KAT6B: variants seen among roughly 807,000 people sequenced by gnomAD.
The protein encoded by KAT6B is histone acetyltransferase KAT6B.
KAT6B carries 10 observed loss-of-function variants against 187.5 expected under a neutral mutation model. The observed-to-expected ratio is 0.05, with a 90% CI of 0.03 to 0.09. KAT6B has a LOEUF of 0.09. KAT6B is among the 10% of genes least tolerant of loss of function. The probability of loss-of-function intolerance (pLI) is 1.00; values close to 1 mark genes in which losing one functional copy is unlikely to be tolerated. For synonymous variants in KAT6B, 861 were observed against 926.8 expected (o/e 0.93, Z 1.29); for missense variants, 1,952 against 2,558.9 (o/e 0.76, Z 5.12).
intron 3 of KAT6B, among the ~76,000 whole-genome samples, chr10:74,855,875 G>A (rs1290698227): frequency 6.6e-6 from 1 of 152,026 alleles, no homozygotes; most frequent in African/African-American, 2.4e-5. Flanking sequence ...TTATACATGG[G>A]TGTGCGTATA....
At chr10:75,027,745 A>G (rs977010532) in intron 17 of KAT6B, among the ~76,000 whole-genome samples, 1 of 152,184 alleles carries the variant, frequency 6.6e-6, no homozygotes, top group Admixed American at 6.5e-5. Context: ...TTAATATGCA[A>G]ACCTTACATC....
At chr10:74,851,004 G>GT (rs1448994576) in intron 3 of KAT6B, among the ~76,000 whole-genome samples, 1 of 151,722 alleles carries the variant, frequency 6.6e-6, no homozygotes, top group Non-Finnish European at 1.5e-5. Context: ...GGCTTCTGAT[G>GT]TTTTTTCTGT....
At chr10:74,938,249 C>A (rs1002935754) in intron 3 of KAT6B, among the ~76,000 whole-genome samples, 1 of 152,168 alleles carries the variant, frequency 6.6e-6, no homozygotes, top group South Asian at 2.1e-4. Context: ...ATCCTAGAAC[C>A]ACTGTATCAG....
At chr10:74,934,112 G>T (rs1849064579) in intron 3 of KAT6B, among the ~76,000 whole-genome samples, 2 of 150,334 alleles carry the variant, frequency 1.3e-5, no homozygotes, top group South Asian at 4.2e-4. Flanking sequence ...CTTGAACCTG[G>T]GAGGCGGAGG....
chr10:74,964,887 T>C (rs756709694), intron 4 of KAT6B, among the ~76,000 whole-genome samples: 1 of 152,206 alleles, frequency 6.6e-6, no homozygotes, highest in Non-Finnish European at 1.5e-5. Context: ...TAAATCATAA[T>C]ATGTATCTTG....
chr10:74,888,279 T>A (rs984654943), intron 3 of KAT6B, among the ~76,000 whole-genome samples: 1 of 152,190 alleles, frequency 6.6e-6, no homozygotes, highest in African/African-American at 2.4e-5. Flanking sequence ...TTGTAATGTC[T>A]GTATCACCAA....
chr10:74,906,692 A>G (rs1846784313), intron 3 of KAT6B, among the ~76,000 whole-genome samples: 1 of 152,234 alleles, frequency 6.6e-6, no homozygotes, highest in African/African-American at 2.4e-5. Flanking sequence ...TTAAGAGACC[A>G]GAGTGAGCAG....
intron 3 of KAT6B, among the ~76,000 whole-genome samples, chr10:74,888,418 T>A (rs1470805202): frequency 6.6e-6 from 1 of 152,026 alleles, no homozygotes; most frequent in Non-Finnish European, 1.5e-5. Flanking sequence ...AACACTAGAA[T>A]AAATGGGCAA....
At chr10:74,914,046 C>T (rs1203313513) in intron 3 of KAT6B, among the ~76,000 whole-genome samples, 2 of 151,820 alleles carry the variant, frequency 1.3e-5, no homozygotes, top group Non-Finnish European at 2.9e-5. Flanking sequence ...ATTAGCCGGG[C>T]GTGGTGGCGG....
intron 3 of KAT6B, among the ~76,000 whole-genome samples, chr10:74,941,280 C>T (rs1377736331): frequency 6.6e-6 from 1 of 152,168 alleles, no homozygotes; most frequent in Non-Finnish European, 1.5e-5. Flanking sequence ...TCACATGGTT[C>T]TCTCTATTGA....
In KAT6B at chr10:75,031,229, T is replaced by C. The variant is rs1846300205; in HGVS notation, c.*183T>C. ...GAAAGCCTTATACAAGTTGTTTTTC[T>C]TTTTTTCCTTTTTCTTTTTTTTGGT... On this transcript the variant is annotated 3_prime_UTR_variant, in exon 18 of 18. Coordinates refer to ENST00000287239, the MANE Select transcript of KAT6B (RefSeq NM_012330.4). 1 of 682,120 alleles carries C rather than the reference T, an allele frequency of 1.5e-6. No homozygotes were observed. The highest frequency in any genetic ancestry group is 2.4e-6 in the Non-Finnish European group (1 of 412,580). 42.3% of individuals were successfully genotyped at this position (682,120 alleles called of 1,614,324 possible).
intron 13 of KAT6B, among the ~76,000 whole-genome samples, chr10:75,004,865 C>A (rs1844094234): frequency 6.6e-6 from 1 of 151,508 alleles, no homozygotes; most frequent in African/African-American, 2.4e-5. Context: ...CCATTCCTGG[C>A]CATTTTTCAG....
At chr10:74,960,554 TAA>T (rs35201520) in intron 4 of KAT6B, among the ~76,000 whole-genome samples, 3 of 142,682 alleles carry the variant, frequency 2.1e-5, no homozygotes, top group African/African-American at 2.5e-5. Context: ...TAGTAATCTC[TAA>T]AAAAAAAAAA....
chr10:74,962,068 G>A (rs985306971), intron 4 of KAT6B, among the ~76,000 whole-genome samples: 1 of 152,114 alleles, frequency 6.6e-6, no homozygotes, highest in Non-Finnish European at 1.5e-5. Context: ...GATGGGATCC[G>A]GCTCTAGTGT....
chr10:74,840,449 T>C (rs2132048905), intron 2 of KAT6B, among the ~76,000 whole-genome samples: 1 of 152,288 alleles, frequency 6.6e-6, no homozygotes. Flanking sequence ...TTGGGATCCT[T>C]CCAGGGAATA....
At chr10:74,865,150 G>A (rs567477665) in intron 3 of KAT6B, among the ~76,000 whole-genome samples, 16 of 138,254 alleles carry the variant, frequency 1.2e-4, no homozygotes, top group Admixed American at 8.9e-4. Flanking sequence ...CATTTAGGTG[G>A]CCTAACACAG....
chr10:74,829,427 C>G (rs1840564044), intron 1 of KAT6B, among the ~76,000 whole-genome samples: 1 of 151,882 alleles, frequency 6.6e-6, no homozygotes, highest in South Asian at 2.1e-4. Flanking sequence ...TTACACATGC[C>G]TACATTTGTA....
intron 3 of KAT6B, among the ~76,000 whole-genome samples, chr10:74,931,969 C>T (rs140483626): frequency 1.5e-4 from 23 of 152,334 alleles, no homozygotes; most frequent in African/African-American, 4.8e-4. Context: ...GTGTTGGCCT[C>T]CCAAAGTGCT....
chr10:74,970,209 C>G, intron 6 of KAT6B, 108 bp downstream of exon 6: 3 of 773,762 alleles, frequency 3.9e-6, no homozygotes, highest in Non-Finnish European at 6.8e-6. Context: ...TTTTTTTCAT[C>G]CCTCCCACCT....
Sources: allele counts gnomAD v4.1 joint callset (sites outside exome capture counted in the v4.1 genomes callset), GRCh38; gene constraint gnomAD v4.1.1; transcripts MANE v1.5; gene names NCBI Gene and HGNC (gene_info 2026-07-23, HGNC 2026-07-21).